BCAS3: variants seen among roughly 807,000 people sequenced by gnomAD.
The protein encoded by BCAS3 is BCAS4/BCAS3 fusion.
A neutral mutation model predicts 116.1 loss-of-function variants in BCAS3; 53 were observed. The ratio of observed to expected loss-of-function variants is 0.46; its 90% CI spans 0.37 to 0.57. The LOEUF (loss-of-function observed/expected upper bound fraction) is 0.57, where lower values mean the gene tolerates loss of function less well. Among genes scored for constraint, BCAS3 ranks in the 20% least tolerant of loss-of-function variants. BCAS3 has a pLI of 0.00. For missense variants in BCAS3, 917 were observed against 1,165.4 expected, an observed-to-expected ratio of 0.79 and a Z score of 3.10; for synonymous variants, 391 against 408.2, an observed-to-expected ratio of 0.96 and a Z score of 0.51.
At chr17:61,059,114 G>A (rs545995236) in intron 19 of BCAS3, among the ~76,000 whole-genome samples, 12 of 86,346 alleles carry the variant, frequency 1.4e-4, no homozygotes, top group Admixed American at 1.3e-3. Context: ...ACAGAGTCTC[G>A]TTCTGTTGCC....
rs532146722 is a variant in BCAS3 at position 60,985,618 on chromosome 17, A to T, written c.1222-4353A>T. ...TGCTATCAAATACCAGATATTATCC[A>T]TTCTTTCTATTTTTCGTACCCATTA... On this transcript the variant is annotated intron_variant, in intron 14 of 23. Coordinates refer to ENST00000407086, the MANE Select transcript of BCAS3 (RefSeq NM_017679.5). Among the ~76,000 whole-genome samples, 11 of 152,164 alleles carry T rather than the reference A, an allele frequency of 7.2e-5. No homozygotes were observed. In the South Asian group the frequency reaches 2.3e-3, roughly 32 times the overall value.
Position 61,214,225 on chromosome 17 carries a change from G to T in BCAS3, c.2425+129661G>T, listed in dbSNP as rs2081637651. Among the ~76,000 whole-genome samples, 1 of 151,968 alleles carries T rather than the reference G, an allele frequency of 6.6e-6. No homozygotes were observed. The highest frequency in any genetic ancestry group is 1.5e-5 in the Non-Finnish European group (1 of 68,000). On this transcript the variant is annotated intron_variant, in intron 22 of 23. Transcript: ENST00000407086. This position sits in a 1 kb window ranked among gnomAD's most constrained non-coding sequence, Gnocchi z 4.4. ...ATTAAAAAATACAAAAATTAGCCAGGTGTGGTGGCAGGCACCTGTAATCCC... is the reference window on the plus strand; with the variant it reads ...ATTAAAAAATACAAAAATTAGCCAGTTGTGGTGGCAGGCACCTGTAATCCC...
intron 4 of BCAS3, among the ~76,000 whole-genome samples, chr17:60,703,042 A>G (rs2143952645): frequency 6.6e-6 from 1 of 151,192 alleles, no homozygotes; most frequent in South Asian, 2.1e-4. Context: ...TGGGAGGCCA[A>G]GGTGGGTGGA....
Position 61,261,612 on chromosome 17 carries a change from G to T in BCAS3, c.2426-106715G>T, listed in dbSNP as rs2049211776. ...AAAAGCTAAAATGGTAAATCATGTG[G>T]TGTTTGATGTGACCATCTCCACGAT... On this transcript the variant is annotated intron_variant, in intron 22 of 23. Transcript: ENST00000407086. This position sits in a 1 kb window ranked among gnomAD's most constrained non-coding sequence, Gnocchi z 4.4. Among the ~76,000 whole-genome samples, 1 of 152,142 alleles carries T rather than the reference G, an allele frequency of 6.6e-6. No individual in the cohort carries two copies. Among genetic ancestry groups the T allele is most frequent in the Non-Finnish European group, 1.5e-5 (1 of 68,026 alleles).
chr17:60,733,561 T>C (rs1198304206), intron 5 of BCAS3, among the ~76,000 whole-genome samples: 3 of 152,120 alleles, frequency 2.0e-5, no homozygotes, highest in Non-Finnish European at 4.4e-5. Context: ...GGATGTTTGG[T>C]TGGGTGTGGT....
intron 13 of BCAS3, among the ~76,000 whole-genome samples, chr17:60,933,875 A>C (rs531189095): frequency 6.6e-6 from 1 of 152,336 alleles, no homozygotes; most frequent in East Asian, 1.9e-4. Flanking sequence ...GGATGTTTCC[A>C]TAGTAGGTTT....
At chr17:60,959,679 T>C (rs1372707346) in intron 14 of BCAS3, among the ~76,000 whole-genome samples, 1 of 152,220 alleles carries the variant, frequency 6.6e-6, no homozygotes, top group East Asian at 1.9e-4. Flanking sequence ...TTCAGGATGA[T>C]GTCCAGATTT....
chr17:61,188,135 T>C lies in BCAS3; in HGVS notation c.2425+103571T>C, dbSNP rs974830353. Among the ~76,000 whole-genome samples the C allele has an allele frequency of 6.6e-6, 1 of 152,230 alleles. No homozygotes were observed. Among genetic ancestry groups the C allele is most frequent in the African/African-American group, 2.4e-5 (1 of 41,458 alleles). On this transcript the variant is annotated intron_variant, in intron 22 of 23. Coordinates refer to ENST00000407086, the MANE Select transcript of BCAS3 (RefSeq NM_017679.5). This position sits in a 1 kb window ranked among gnomAD's most constrained non-coding sequence, Gnocchi z 4.0. Reference sequence around the variant, plus strand: ...GAAAAACAAATACATGGCAGAATTGTAGGATTTCAGGGATGTCTTCACCCC... The same window carrying C: ...GAAAAACAAATACATGGCAGAATTGCAGGATTTCAGGGATGTCTTCACCCC...
chr17:60,849,943 A>C (rs1357860044), intron 7 of BCAS3, among the ~76,000 whole-genome samples: 1 of 151,928 alleles, frequency 6.6e-6, no homozygotes, highest in African/African-American at 2.4e-5. Flanking sequence ...TTTTTTGTAG[A>C]GATAGGGTCT....
At position 60,760,273 on chromosome 17, in the gene BCAS3, GTGT is replaced by G. The variant is rs1183002772; in HGVS notation, c.403+12996_403+12998del. Among the ~76,000 whole-genome samples, 3 of 152,070 alleles carry G rather than the reference GTGT, an allele frequency of 2.0e-5. No homozygotes were observed. In the East Asian group the frequency reaches 5.8e-4, roughly 29 times the overall value. ...TTGTTCCTTTCTCTCCCTTATTTGT[GTGT>G]TTGGTTTACCAGTGAGTTTTATATT... On this transcript the variant is annotated intron_variant, in intron 6 of 23. Coordinates refer to ENST00000407086, the MANE Select transcript of BCAS3 (RefSeq NM_017679.5).
rs369590933 is a variant in BCAS3 at position 61,387,812 on chromosome 17, G to A, written c.2594-4165G>A. On this transcript the variant is annotated intron_variant, in intron 23 of 23. Coordinates refer to ENST00000407086, the MANE Select transcript of BCAS3 (RefSeq NM_017679.5). This position sits in a 1 kb window ranked among gnomAD's most constrained non-coding sequence, Gnocchi z 6.2. The stretch of plus-strand genomic sequence containing the variant: ...AAGAACCAGAGCTAGTGGTTGCTTC[G>A]TCTTCCTTGGTTTTGCTCTCTGCAA... 7.9e-5 allele frequency among the ~76,000 whole-genome samples: 12 copies of A among 152,234 alleles called. No homozygotes were observed. The East Asian group carries it at 1.2e-3, about 15-fold the overall frequency.
chr17:61,218,046 G>A (rs1004144545), intron 22 of BCAS3, among the ~76,000 whole-genome samples: 1 of 152,090 alleles, frequency 6.6e-6, no homozygotes, highest in Admixed American at 6.5e-5. Context: ...TTTACCATCT[G>A]GTTATTGTAT....
At chr17:60,739,113 A>G (rs140431011) in intron 5 of BCAS3, among the ~76,000 whole-genome samples, 66 of 152,274 alleles carry the variant, frequency 4.3e-4, no homozygotes, top group Non-Finnish European at 8.8e-4. Flanking sequence ...AAATAACACT[A>G]TACTGCTTCA....
rs1224604703 is a variant in BCAS3 at position 61,300,853 on chromosome 17, T to C, written c.2426-67474T>C. Among the ~76,000 whole-genome samples the C allele has an allele frequency of 2.0e-5, 3 of 152,282 alleles. No individual in the cohort carries two copies. Among genetic ancestry groups the C allele is most frequent in the East Asian group, 3.9e-4 (2 of 5,184 alleles). On this transcript the variant is annotated intron_variant, in intron 22 of 23. Transcript: ENST00000407086. The surrounding 1 kb of genome is among the most constrained non-coding windows in gnomAD (Gnocchi z 5.1). ...CTTCTAGCCTCTGCCCAGGAATCAT[T>C]TGTAGGCAAACACATATATTTGTGA...
Position 61,388,502 on chromosome 17 carries a change from CG to C in BCAS3, c.2594-3473del. On this transcript the variant is annotated intron_variant, in intron 23 of 23. Transcript: ENST00000407086. The surrounding 1 kb of genome is among the most constrained non-coding windows in gnomAD (Gnocchi z 6.5). ...CTTGACTGCAAACTCCCCCTCCTCA[CG>C]GTGTGCCCCTGCGCCTCCTGACACC... 1 of 916,236 alleles carries C rather than the reference CG, an allele frequency of 1.1e-6. No homozygotes were observed. The allele number at this position is 916,236 out of a possible 1,614,324, so 56.8% of individuals were successfully genotyped here.
chr17:60,974,081 T>G (rs904487708), intron 14 of BCAS3, among the ~76,000 whole-genome samples: 2 of 152,210 alleles, frequency 1.3e-5, no homozygotes, highest in Admixed American at 1.3e-4. Context: ...ATTCTGAAGA[T>G]GTGACCACAG....
rs2068847601 is a variant in BCAS3 at position 61,051,425 on chromosome 17, C to A, written c.2029+10533C>A. ...CATGTGATAAAATTGAATAGACCCT[C>A]ACACACATAAATTGAGTGTAAAACT... On this transcript the variant is annotated intron_variant, in intron 19 of 23. Coordinates refer to ENST00000407086, the MANE Select transcript of BCAS3 (RefSeq NM_017679.5). The surrounding 1 kb of genome is among the most constrained non-coding windows in gnomAD (Gnocchi z 4.1). 6.7e-6 allele frequency among the ~76,000 whole-genome samples: 1 copy of A among 149,572 alleles called. No homozygotes were observed. The highest frequency in any genetic ancestry group is 2.4e-5 in the African/African-American group (1 of 41,202).
At chr17:60,971,970 G>A (rs1412477466) in intron 14 of BCAS3, among the ~76,000 whole-genome samples, 1 of 152,174 alleles carries the variant, frequency 6.6e-6, no homozygotes, top group East Asian at 1.9e-4. Flanking sequence ...AGGTGGCGAT[G>A]TTGTACTGAG....
chr17:60,719,456 T>C lies in BCAS3; in HGVS notation c.321+10131T>C, dbSNP rs1598283306. Among the ~76,000 whole-genome samples, 3 of 152,314 alleles carry C rather than the reference T, an allele frequency of 2.0e-5. No homozygotes were observed. In the South Asian group the frequency reaches 6.2e-4, roughly 32 times the overall value. ...AAAACACTATCATCAAGACATCCAGTTGGAGAAGGAGTTTTTGATGAGTAT... is the reference window on the plus strand; with the variant it reads ...AAAACACTATCATCAAGACATCCAGCTGGAGAAGGAGTTTTTGATGAGTAT... On this transcript the variant is annotated intron_variant, in intron 5 of 23. Coordinates refer to ENST00000407086, the MANE Select transcript of BCAS3 (RefSeq NM_017679.5).
Sources: gnomAD v4.1 joint callset for allele counts (sites outside exome capture counted in the v4.1 genomes callset) on GRCh38, gnomAD v4.1.1 for gene constraint, Gnocchi (gnomAD v3.1) non-coding constraint, MANE v1.5 for transcripts, NCBI Gene and HGNC (gene_info 2026-07-23, HGNC 2026-07-21) for gene names.